Variants in TENM2 observed in about 807,000 individuals in gnomAD.
The protein encoded by TENM2 is teneurin-2.
TENM2 carries 52 observed loss-of-function variants against 245.2 expected under a neutral mutation model. The observed-to-expected ratio is 0.21, with a 90% CI of 0.17 to 0.27. The LOEUF (loss-of-function observed/expected upper bound fraction) is 0.27, where lower values mean the gene tolerates loss of function less well. TENM2 is among the 10% of genes least tolerant of loss of function. The pLI, the probability that TENM2 is intolerant of heterozygous loss-of-function variation, is 1.00. For synonymous variants in TENM2, 1,363 were observed against 1,438.9 expected, an observed-to-expected ratio of 0.95 and a Z score of 1.19; for missense variants, 3,046 against 3,666.8, an observed-to-expected ratio of 0.83 and a Z score of 4.37.
At chr5:167,361,545 C>A (rs1279374917) in intron 1 of TENM2, among the ~76,000 whole-genome samples, 2 of 152,194 alleles carry the variant, frequency 1.3e-5, no homozygotes, top group Admixed American at 1.3e-4. Context: ...CCTAAAATTG[C>A]CACTGTGTGG....
the TENM2 span, among the ~76,000 whole-genome samples, chr5:167,068,239 C>T: frequency 6.6e-6 from 1 of 152,154 alleles, no homozygotes; most frequent in Non-Finnish European, 1.5e-5. Context: ...TTTGAATACA[C>T]CTTCCTTAGC....
upstream of TENM2, among the ~76,000 whole-genome samples, chr5:167,283,241 G>A (rs902746515): frequency 6.6e-6 from 1 of 151,814 alleles, no homozygotes; most frequent in Non-Finnish European, 1.5e-5. Flanking sequence ...TAGAGACGGG[G>A]TTTCACTATG....
intron 3 of TENM2, among the ~76,000 whole-genome samples, chr5:167,898,230 T>A (rs1775382500): frequency 6.6e-6 from 1 of 152,182 alleles, no homozygotes. Flanking sequence ...CACCAGCTCC[T>A]GGAAACTAGT....
In TENM2 at chr5:167,743,327, G is replaced by A. The variant is rs191038701; in HGVS notation, c.503-132659G>A. Among the ~76,000 whole-genome samples the A allele has an allele frequency of 1.3e-3, 199 of 152,218 alleles. 1 individual carries two copies. Among genetic ancestry groups the A allele is most frequent in the South Asian group, 7.1e-3 (34 of 4,812 alleles). On this transcript the variant is annotated intron_variant, in intron 2 of 28. Transcript: ENST00000518659. The stretch of plus-strand genomic sequence containing the variant: ...CAGAGGGAAAACATGGGGACTGAGG[G>A]CCTTAGAAGGAGGGGCAATGTGAGC...
At chr5:167,989,985 G>A (rs2151999474) in intron 4 of TENM2, among the ~76,000 whole-genome samples, 1 of 152,262 alleles carries the variant, frequency 6.6e-6, no homozygotes, top group South Asian at 2.1e-4. Context: ...ATCAGTGGTG[G>A]CTGAAGACCT....
rs912645695 is a variant in TENM2, at chr5:167,934,935, G to A, written c.713-17653G>A. On this transcript the variant is annotated intron_variant, in intron 3 of 28. Transcript: ENST00000518659. ...GAGTCGTCCAGGTAGGCAGAAGGAT[G>A]GCTTTTATTGACTTTCTGAGACTGG... 31 of 984,924 alleles carry A rather than the reference G, an allele frequency of 3.1e-5. No homozygotes were observed. The African/African-American group carries it at 5.2e-4, about 17-fold the overall frequency. The allele number at this position is 984,924 out of a possible 1,614,324, so 61.0% of individuals were successfully genotyped here.
At chr5:167,436,114 G>A (rs1764542913) in intron 2 of TENM2, among the ~76,000 whole-genome samples, 2 of 151,444 alleles carry the variant, frequency 1.3e-5, no homozygotes, top group African/African-American at 2.4e-5. Flanking sequence ...GAGTAGCTGG[G>A]GTTACAGTTG....
chr5:167,399,132 C>A (rs1193525761), intron 2 of TENM2, among the ~76,000 whole-genome samples: 1 of 152,056 alleles, frequency 6.6e-6, no homozygotes, highest in Admixed American at 6.6e-5. Flanking sequence ...CCTCGTATAT[C>A]AAAAAGGAAT....
chr5:167,483,380 G>C (rs1339442122), intron 2 of TENM2, among the ~76,000 whole-genome samples: 1 of 152,116 alleles, frequency 6.6e-6, no homozygotes, highest in Non-Finnish European at 1.5e-5. Flanking sequence ...TCAGATGAAT[G>C]GACCATGCAG....
At chr5:167,293,368 A>ATTTTT (rs199972172) in intron 1 of TENM2, among the ~76,000 whole-genome samples, 2 of 130,540 alleles carry the variant, frequency 1.5e-5, no homozygotes, top group Non-Finnish European at 1.6e-5. Flanking sequence ...TGTCCGGCTA[A>ATTTTT]TTTTTTTTTT....
At chr5:167,012,724 G>A in the TENM2 span, among the ~76,000 whole-genome samples, 4 of 152,150 alleles carry the variant, frequency 2.6e-5, no homozygotes, top group Non-Finnish European at 4.4e-5. Flanking sequence ...TTACAAATTT[G>A]TGCTATCAGG....
the TENM2 span, among the ~76,000 whole-genome samples, chr5:167,276,646 T>C: frequency 6.6e-6 from 1 of 152,002 alleles, no homozygotes; most frequent in Admixed American, 6.6e-5. Context: ...CCACAAATAC[T>C]CAAGTCTCTT....
intron 1 of TENM2, among the ~76,000 whole-genome samples, chr5:167,355,153 T>C (rs1009613539): frequency 5.9e-5 from 9 of 152,348 alleles, no homozygotes; most frequent in Middle Eastern, 3.4e-3. Context: ...TCTGTCTATT[T>C]GTGGAGCCAA....
chr5:167,755,775 G>A (rs958073124), intron 2 of TENM2, among the ~76,000 whole-genome samples: 1 of 152,130 alleles, frequency 6.6e-6, no homozygotes, highest in South Asian at 2.1e-4. Context: ...CTTGCTGCTT[G>A]TATGTGATAT....
rs562888302 is a variant in TENM2 at position 167,471,109 on chromosome 5, G to A, written c.502+95636G>A. On this transcript the variant is annotated intron_variant, in intron 2 of 28. Transcript: ENST00000518659. ...GCAAGACTGCGGCTTCTCTGGCGAG[G>A]ATCCCCTAACTTAGAAAGCAAGTAA... 2.0e-4 allele frequency among the ~76,000 whole-genome samples: 30 copies of A among 152,314 alleles called. 1 individual carries two copies. The South Asian group carries it at 6.0e-3, about 30-fold the overall frequency.
chr5:167,194,630 G>A, the TENM2 span, among the ~76,000 whole-genome samples: 2 of 151,924 alleles, frequency 1.3e-5, no homozygotes, highest in Non-Finnish European at 2.9e-5. Flanking sequence ...GGAACAGGGG[G>A]TTGGGACAGG....
At chr5:167,746,473 A>G (rs1761569388) in intron 2 of TENM2, among the ~76,000 whole-genome samples, 1 of 152,114 alleles carries the variant, frequency 6.6e-6, no homozygotes, top group Non-Finnish European at 1.5e-5. Context: ...TGAATGACAA[A>G]CAGCCATGGC....
At chr5:167,541,557 G>A (rs139079702) in intron 2 of TENM2, among the ~76,000 whole-genome samples, 8 of 152,214 alleles carry the variant, frequency 5.3e-5, no homozygotes, top group South Asian at 2.1e-4. Context: ...AGAGATAGCC[G>A]TCTCACTTCA....
chr5:168,087,295 A>T (rs1792537163), intron 7 of TENM2: 1 of 152,206 alleles, frequency 6.6e-6, no homozygotes, highest in African/African-American at 2.4e-5. Flanking sequence ...TTCCTGGGTG[A>T]TCCTGTCCTG....
Sources: allele counts gnomAD v4.1 joint callset (sites outside exome capture counted in the v4.1 genomes callset), GRCh38; gene constraint gnomAD v4.1.1; transcripts MANE v1.5; gene names NCBI Gene and HGNC (gene_info 2026-07-23, HGNC 2026-07-21).